The following ITFG1 variants were observed in gnomAD, a reference collection of about 807,000 sequenced individuals.
ITFG1 encodes T-cell immunomodulatory protein.
In ITFG1, 34 loss-of-function variants were observed where a neutral mutation model predicts 81.8. The ratio of observed to expected loss-of-function variants is 0.42; its 90% CI spans 0.32 to 0.55. The LOEUF is 0.55. ITFG1 is among the 20% of genes least tolerant of loss of function. ITFG1 has a pLI of 0.17. For synonymous variants in ITFG1, 285 were observed against 270.6 expected (o/e 1.05, Z -0.52); for missense variants, 672 against 755.4 (o/e 0.89, Z 1.29).
At chr16:47,399,865 A>C (rs987196927) in intron 6 of ITFG1, among the ~76,000 whole-genome samples, 1 of 152,156 alleles carries the variant, frequency 6.6e-6, no homozygotes. Context: ...ATTTCTCTAC[A>C]TATGTATGCT....
At chr16:47,370,807 AGGTTGTAAGTGAAACTTGAGCAGAGGCC>A (rs1321173998) in intron 7 of ITFG1, among the ~76,000 whole-genome samples, 13 of 152,206 alleles carry the variant, frequency 8.5e-5, no homozygotes, top group African/African-American at 3.1e-4. Flanking sequence ...GCCAGCCCAG[AGGTTGTAAGTGAAACTTGAGCAGAGGCC>A]CCACCAGCGG....
At chr16:47,301,347 A>G (rs1386853996) in intron 10 of ITFG1, among the ~76,000 whole-genome samples, 1 of 151,966 alleles carries the variant, frequency 6.6e-6, no homozygotes, top group Admixed American at 6.6e-5. Flanking sequence ...TACAGTAAAC[A>G]TGAATTCTAT....
chr16:47,438,462 T>A (rs577516602), intron 5 of ITFG1, among the ~76,000 whole-genome samples: 1 of 152,238 alleles, frequency 6.6e-6, no homozygotes, highest in South Asian at 2.1e-4. Context: ...ATACCTCACA[T>A]GGCCGGGTAC....
intron 14 of ITFG1, among the ~76,000 whole-genome samples, chr16:47,205,699 A>G (rs114252463): frequency 0.02 from 3,085 of 152,288 alleles, 107 homozygotes; most frequent in African/African-American, 0.07. Context: ...TCCATACTTC[A>G]ACAGACTTCA....
At chr16:47,282,161 G>A (rs1596859102) in intron 10 of ITFG1, among the ~76,000 whole-genome samples, 1 of 151,392 alleles carries the variant, frequency 6.6e-6, no homozygotes, top group African/African-American at 2.4e-5. Context: ...ATGAGGCTGA[G>A]CGGGTATGAG....
intron 8 of ITFG1, among the ~76,000 whole-genome samples, chr16:47,335,736 T>C (rs564631158): frequency 6.0e-4 from 91 of 152,324 alleles, no homozygotes; most frequent in Non-Finnish European, 8.2e-4. Context: ...TACTAACTGT[T>C]GACAAGAATG....
intron 6 of ITFG1, among the ~76,000 whole-genome samples, chr16:47,393,088 G>C (rs563947580): frequency 5.3e-5 from 8 of 152,332 alleles, no homozygotes; most frequent in South Asian, 4.1e-4. Context: ...CCAGCTAGTA[G>C]AGGGAGGAGA....
intron 10 of ITFG1, among the ~76,000 whole-genome samples, chr16:47,304,435 G>A (rs2151561121): frequency 6.6e-6 from 1 of 152,276 alleles, no homozygotes; most frequent in South Asian, 2.1e-4. Flanking sequence ...GAGATCCAAA[G>A]TACATGATCT....
intron 10 of ITFG1, among the ~76,000 whole-genome samples, chr16:47,294,850 A>AT (rs1442017496): frequency 6.6e-6 from 1 of 152,018 alleles, no homozygotes; most frequent in Non-Finnish European, 1.5e-5. Flanking sequence ...CATGGTTTTC[A>AT]TATCTTTCTA....
At chr16:47,419,392 C>T (rs999842851) in intron 6 of ITFG1, among the ~76,000 whole-genome samples, 11 of 152,052 alleles carry the variant, frequency 7.2e-5, no homozygotes, top group Admixed American at 5.2e-4. Context: ...TCTCAGCCTC[C>T]CAAGCAGCTG....
rs552302696 is a variant in ITFG1, at chr16:47,251,080, T to C, written c.1330+7552A>G. On this transcript the variant is annotated intron_variant, in intron 12 of 17. Coordinates refer to ENST00000320640, the MANE Select transcript of ITFG1 (RefSeq NM_030790.5). ...AACACAAACTTTTTAGCATAGAGGA[T>C]GAAACAACACAAAAAAGCTCAGCAA... Among the ~76,000 whole-genome samples, 11 of 152,258 alleles carry C rather than the reference T, an allele frequency of 7.2e-5. No homozygotes were observed. In the East Asian group the frequency reaches 2.1e-3, roughly 29 times the overall value.
chr16:47,158,449 T>C (rs1219482794), intron 17 of ITFG1, among the ~76,000 whole-genome samples: 1 of 152,186 alleles, frequency 6.6e-6, no homozygotes, highest in Non-Finnish European at 1.5e-5. Context: ...TAATTTAACC[T>C]CTTTTCACTC....
At chr16:47,305,009 A>C (rs781141850) in intron 10 of ITFG1, among the ~76,000 whole-genome samples, 10 of 152,304 alleles carry the variant, frequency 6.6e-5, no homozygotes, top group Non-Finnish European at 1.2e-4. Flanking sequence ...AGCTTACTTT[A>C]CTTTATCACA....
At chr16:47,439,717 G>C (rs1567500870) in intron 5 of ITFG1, among the ~76,000 whole-genome samples, 1 of 152,172 alleles carries the variant, frequency 6.6e-6, no homozygotes, top group African/African-American at 2.4e-5. Flanking sequence ...ACCGGTATCA[G>C]CCACTGCAAA....
Position 47,158,991 on chromosome 16 carries a change from C to G in ITFG1, c.1662-1G>C. 6.9e-7 allele frequency: 1 copy of G among 1,439,228 alleles called. No individual in the cohort carries two copies. The highest frequency in any genetic ancestry group is 1.4e-5 in the African/African-American group (1 of 69,114). The allele number at this position is 1,439,228 out of a possible 1,614,324, so 89.2% of individuals were successfully genotyped here. ...TGTAAGATACAGTTTGGCACTCCAA[C>G]TGTAGATAAAAACAGAACAAATTAA... On this transcript the variant is annotated splice_acceptor_variant, in intron 16 of 17. Coordinates refer to ENST00000320640, the MANE Select transcript of ITFG1 (RefSeq NM_030790.5). LOFTEE classifies it high-confidence loss of function.
At chr16:47,187,307 A>G (rs1037637086) in intron 14 of ITFG1, among the ~76,000 whole-genome samples, 3 of 152,210 alleles carry the variant, frequency 2.0e-5, no homozygotes, top group African/African-American at 7.2e-5. Context: ...TCGCCAAGTC[A>G]ATCCTAAGCC....
At chr16:47,402,744 G>A (rs1238626694) in intron 6 of ITFG1, among the ~76,000 whole-genome samples, 1 of 152,180 alleles carries the variant, frequency 6.6e-6, no homozygotes, top group Non-Finnish European at 1.5e-5. Flanking sequence ...AGGAGGCTAT[G>A]TTTTTTAATT....
rs533947474 is a variant in ITFG1, at chr16:47,267,278, A to G, written c.1071-6583T>C. Among the ~76,000 whole-genome samples the G allele has an allele frequency of 2.6e-5, 4 of 152,332 alleles. No individual in the cohort carries two copies. The South Asian group carries it at 6.2e-4, about 24-fold the overall frequency. ...AAAGAAAGCTGGAGTGACAATATTA[A>G]TAAGAGAGAAGGTAGACTTCAGAAC... On this transcript the variant is annotated intron_variant, in intron 10 of 17. Transcript: ENST00000320640.
At chr16:47,199,485 T>C (rs1373197201) in intron 14 of ITFG1, among the ~76,000 whole-genome samples, 3 of 152,204 alleles carry the variant, frequency 2.0e-5, no homozygotes, top group Admixed American at 2.0e-4. Flanking sequence ...CACTGTACCT[T>C]TTCTATGTTT....
Sources: allele counts gnomAD v4.1 joint callset (sites outside exome capture counted in the v4.1 genomes callset), GRCh38; gene constraint gnomAD v4.1.1; transcripts MANE v1.5; gene names NCBI Gene and HGNC (gene_info 2026-07-23, HGNC 2026-07-21).